NHLRC2: variants seen among roughly 807,000 people sequenced by gnomAD.
NHLRC2 encodes the protein NHL repeat-containing protein 2.
Under a neutral mutation model 68.1 loss-of-function variants are expected in NHLRC2, and 33 were observed. That is an observed-to-expected ratio of 0.48 (90% CI 0.37 to 0.65). The LOEUF (loss-of-function observed/expected upper bound fraction) is 0.65, where lower values mean the gene tolerates loss of function less well. Among genes scored for constraint, NHLRC2 ranks in the 30% least tolerant of loss-of-function variants. The pLI, the probability that NHLRC2 is intolerant of heterozygous loss-of-function variation, is 0.00. For synonymous variants in NHLRC2, 311 were observed against 309.6 expected (o/e 1.00, Z -0.05); for missense variants, 761 against 853.8 (o/e 0.89, Z 1.35).
In NHLRC2 at chr10:113,916,712, C is replaced by G. The variant is rs191697901; in HGVS notation, c.*8176C>G. 1 of 152,110 alleles carries G rather than the reference C, an allele frequency of 6.6e-6. No individual in the cohort carries two copies. Among genetic ancestry groups the G allele is most frequent in the African/African-American group, 2.4e-5 (1 of 41,430 alleles). 9.4% of individuals were successfully genotyped at this position (152,110 alleles called of 1,614,324 possible). On this transcript the variant is annotated 3_prime_UTR_variant, in exon 11 of 11. Transcript: ENST00000369301. ...TTTAGAAACTCAAACTCTTTCCCAT[C>G]TTTTGTATGGATAAAGTTTATGGTT...
At chr10:113,882,856 T>C (rs10885515) in intron 4 of NHLRC2, among the ~76,000 whole-genome samples, 116,025 of 151,590 alleles carry the variant, frequency 0.77, 44,577 homozygotes, top group Admixed American at 0.84. Context: ...CATTTTGAGT[T>C]GATTTTTGTA....
intron 1 of NHLRC2, 140 bp from the exon 2 acceptor site, chr10:113,858,388 C>T: frequency 1.7e-6 from 1 of 574,924 alleles, no homozygotes; most frequent in Admixed American, 3.2e-5. Flanking sequence ...ATGCAACTGC[C>T]ACAGCCTTTA....
chr10:113,895,388 A>C (rs1007164896), intron 5 of NHLRC2, among the ~76,000 whole-genome samples: 17 of 152,230 alleles, frequency 1.1e-4, no homozygotes, highest in African/African-American at 4.1e-4. Flanking sequence ...GAAAGGCAGT[A>C]AATTAATAAA....
chr10:113,869,174 G>C (rs1405348042), intron 2 of NHLRC2, among the ~76,000 whole-genome samples: 1 of 152,194 alleles, frequency 6.6e-6, no homozygotes, highest in African/African-American at 2.4e-5. Context: ...ATAACAACTT[G>C]AAACTAGTCA....
chr10:113,883,323 A>G (rs769080006), intron 4 of NHLRC2, among the ~76,000 whole-genome samples: 7 of 151,896 alleles, frequency 4.6e-5, no homozygotes, highest in Non-Finnish European at 8.9e-5. Flanking sequence ...AGCATTAGCA[A>G]TGATGGTGGG....
chr10:113,902,662 T>G, intron 8 of NHLRC2, 69 bp downstream of exon 8: 1 of 1,375,126 alleles, frequency 7.3e-7, no homozygotes, highest in African/African-American at 1.5e-5. Context: ...GAAAGATCTG[T>G]GAGCCTCCTA....
At chr10:113,870,520 A>G (rs537372134) in intron 2 of NHLRC2, among the ~76,000 whole-genome samples, 2 of 152,244 alleles carry the variant, frequency 1.3e-5, no homozygotes, top group Non-Finnish European at 2.9e-5. Flanking sequence ...TATGTGTGCC[A>G]TAACTCATTC....
chr10:113,879,515 GT>G (rs1846017661), intron 3 of NHLRC2, 58 bp from the exon 4 acceptor site: 2 of 1,440,588 alleles, frequency 1.4e-6, no homozygotes, highest in African/African-American at 2.9e-5. Context: ...AGTTTGTTTT[GT>G]TTTGTTTTGT....
intron 5 of NHLRC2, among the ~76,000 whole-genome samples, chr10:113,897,296 A>G (rs1189215969): frequency 6.6e-6 from 1 of 152,224 alleles, no homozygotes; most frequent in Non-Finnish European, 1.5e-5. Flanking sequence ...GGTACCAAAT[A>G]TGATCTGTTG....
chr10:113,876,225 A>G (rs987806345), intron 2 of NHLRC2, among the ~76,000 whole-genome samples: 2 of 152,032 alleles, frequency 1.3e-5, no homozygotes, highest in African/African-American at 4.8e-5. Context: ...TATTAAAAAA[A>G]TAAAGATAAT....
chr10:113,895,696 G>A (rs995413273), intron 5 of NHLRC2, among the ~76,000 whole-genome samples: 4 of 152,096 alleles, frequency 2.6e-5, no homozygotes, highest in Admixed American at 1.3e-4. Context: ...GTGATGATGT[G>A]CTCATTTTAC....
intron 2 of NHLRC2, among the ~76,000 whole-genome samples, chr10:113,860,384 A>T (rs2134687284): frequency 6.6e-6 from 1 of 152,304 alleles, no homozygotes; most frequent in South Asian, 2.1e-4. Context: ...TTTATAGCAC[A>T]TTGTGACAAA....
chr10:113,885,724 G>A (rs1846075673), intron 5 of NHLRC2, among the ~76,000 whole-genome samples: 1 of 152,048 alleles, frequency 6.6e-6, no homozygotes, highest in Admixed American at 6.5e-5. Context: ...TACAGAATAT[G>A]TACAATATAA....
chr10:113,887,339 A>C (rs114324037), intron 5 of NHLRC2, among the ~76,000 whole-genome samples: 2 of 152,210 alleles, frequency 1.3e-5, no homozygotes. Context: ...ATGATCCATC[A>C]GTCTGACTTA....
At chr10:113,898,655 C>T in intron 6 of NHLRC2, among the ~76,000 whole-genome samples, 1 of 152,136 alleles carries the variant, frequency 6.6e-6, no homozygotes, top group Non-Finnish European at 1.5e-5. Context: ...ATTCAGTGGA[C>T]CCTTATCTTT....
rs752573592 is a variant in NHLRC2 at position 113,879,575 on chromosome 10, A to G, written c.789A>G (p.Gly263=). The change falls in exon 4 of 11, where the codon GGA becomes GGG. Residue 263 remains glycine, a splice_region_variant and synonymous_variant. Transcript: ENST00000369301. Reference sequence around the variant, plus strand: ...GTGGCAAATTTTATCTTATTTTAGGACCCAACCCTGGAAGAAAAGATGGAA... The same window carrying G: ...GTGGCAAATTTTATCTTATTTTAGGGCCCAACCCTGGAAGAAAAGATGGAA... The part of the protein sequence containing the change: ...KNGQIQYSIG[G]PNPGRKDGIF... The G allele has an allele frequency of 1.9e-6, 3 of 1,600,940 alleles. No homozygotes were observed. Among genetic ancestry groups the G allele is most frequent in the South Asian group, 2.3e-5 (2 of 88,486 alleles).
Position 113,915,516 on chromosome 10 carries a change from CT to C in NHLRC2, c.*6981del, listed in dbSNP as rs1187654415. The C allele has an allele frequency of 7.5e-6, 2 of 267,244 alleles. No homozygotes were observed. Among genetic ancestry groups the C allele is most frequent in the African/African-American group, 4.6e-5 (2 of 43,624 alleles). 16.6% of individuals were successfully genotyped at this position (267,244 alleles called of 1,614,324 possible). On this transcript the variant is annotated 3_prime_UTR_variant, in exon 11 of 11. Transcript: ENST00000369301. ...TTACTACCTTTTGCTTTTAATATAC[CT>C]GGTTATCTATTTCCATTTGAAATAA...
chr10:113,888,331 A>C (rs376399046), intron 5 of NHLRC2, among the ~76,000 whole-genome samples: 13 of 152,186 alleles, frequency 8.5e-5, no homozygotes, highest in East Asian at 5.8e-4. Flanking sequence ...ACACAGAAAA[A>C]AATGTTGGTA....
chr10:113,910,740 A>AT lies in NHLRC2; in HGVS notation c.*2210dup, dbSNP rs1455985545. 1.3e-5 allele frequency: 2 copies of AT among 152,166 alleles called. No homozygotes were observed. Among genetic ancestry groups the AT allele is most frequent in the African/African-American group, 2.4e-5 (1 of 41,448 alleles). The allele number at this position is 152,166 out of a possible 1,614,324, so 9.4% of individuals were successfully genotyped here. A position where few individuals can be genotyped will look rare whatever the true frequency, so the allele number is the denominator to read the frequency against. ...TCATGTACAGTGAAAATGCAAAGGCATTTTTTAGACTCTATTCCCCTTCAT... is the reference window on the plus strand; with the variant it reads ...TCATGTACAGTGAAAATGCAAAGGCATTTTTTTAGACTCTATTCCCCTTCAT... On this transcript the variant is annotated 3_prime_UTR_variant, in exon 11 of 11. Coordinates refer to ENST00000369301, the MANE Select transcript of NHLRC2 (RefSeq NM_198514.4).
Sources: gnomAD v4.1 joint callset for allele counts (sites outside exome capture counted in the v4.1 genomes callset) on GRCh38, gnomAD v4.1.1 for gene constraint, MANE v1.5 for transcripts, NCBI Gene and HGNC (gene_info 2026-07-23, HGNC 2026-07-21) for gene names.